PARD3B: variants seen among roughly 807,000 people sequenced by gnomAD.
PARD3B encodes partitioning defective 3 homolog B.
Under a neutral mutation model 130.2 loss-of-function variants are expected in PARD3B, and 103 were observed. The ratio of observed to expected loss-of-function variants is 0.79; its 90% CI spans 0.67 to 0.93. PARD3B has a LOEUF of 0.93. Among genes scored for constraint, PARD3B ranks in the 40% least tolerant of loss-of-function variants. The pLI is 0.00. For missense variants in PARD3B, 1,609 were observed against 1,499.2 expected (o/e 1.07, Z -1.21); for synonymous variants, 583 against 553.2 (o/e 1.05, Z -0.76).
intron 20 of PARD3B, among the ~76,000 whole-genome samples, chr2:205,441,027 C>T (rs2047697038): frequency 6.6e-6 from 1 of 152,094 alleles, no homozygotes; most frequent in Admixed American, 6.6e-5. Flanking sequence ...TGGCATGGCA[C>T]ATGGAGGTGG....
Position 205,125,619 on chromosome 2 carries a change from G to C in PARD3B, c.1316G>C (p.Arg439Thr). The C allele has an allele frequency of 6.2e-7, 1 of 1,614,042 alleles. No individual in the cohort carries two copies. The highest frequency in any genetic ancestry group is 1.1e-5 in the South Asian group (1 of 91,068). ...GCTTTTATTCATTAGGTAAATGGGA[G>C]AGATGTCACCGGACGAACCCAGGAA... ...SGDRILEVNG[R>T]DVTGRTQEEL... Residue 439 changes from arginine to threonine, a missense_variant, in exon 10 of 23, where the codon AGA becomes ACA. Physicochemically the swap from Arg to Thr is moderately conservative, Grantham distance 71 (BLOSUM62 -1). Coordinates refer to ENST00000406610, the MANE Select transcript of PARD3B (RefSeq NM_001302769.2). This position sits in a 1 kb window ranked among gnomAD's most constrained non-coding sequence, Gnocchi z 4.0.
chr2:204,799,183 G>A lies in PARD3B; in HGVS notation c.222+112901G>A, dbSNP rs189781265. Among the ~76,000 whole-genome samples, 167 of 152,058 alleles carry A rather than the reference G, an allele frequency of 1.1e-3. No individual in the cohort carries two copies. Among genetic ancestry groups the A allele is most frequent in the Admixed American group, 2.0e-3 (31 of 15,276 alleles). On this transcript the variant is annotated intron_variant, in intron 2 of 22. Coordinates refer to ENST00000406610, the MANE Select transcript of PARD3B (RefSeq NM_001302769.2). The surrounding 1 kb of genome is among the most constrained non-coding windows in gnomAD (Gnocchi z 4.1). Reference sequence around the variant, plus strand: ...CCAGACCTGGAAGCATTCACCACAAGCTGCCTGAAAAGCCCATGGGCCTCG... The same window carrying A: ...CCAGACCTGGAAGCATTCACCACAAACTGCCTGAAAAGCCCATGGGCCTCG...
At chr2:204,900,682 A>G (rs2046822878) in intron 2 of PARD3B, among the ~76,000 whole-genome samples, 1 of 152,008 alleles carries the variant, frequency 6.6e-6, no homozygotes, top group Admixed American at 6.6e-5. Flanking sequence ...ATGCTCGTGG[A>G]TGTTTGTCAT....
At chr2:205,477,633 G>T (rs2049072456) in intron 20 of PARD3B, among the ~76,000 whole-genome samples, 1 of 151,916 alleles carries the variant, frequency 6.6e-6, no homozygotes, top group Admixed American at 6.6e-5. Flanking sequence ...GCCTCTCTTT[G>T]TTGCTCTTGT....
intron 3 of PARD3B, among the ~76,000 whole-genome samples, chr2:204,983,685 C>A (rs1163699875): frequency 6.6e-6 from 1 of 152,108 alleles, no homozygotes; most frequent in Non-Finnish European, 1.5e-5. Context: ...AGATGAAATT[C>A]CCATGTGAAA....
At chr2:204,746,821 T>C (rs1559111358) in intron 2 of PARD3B, among the ~76,000 whole-genome samples, 1 of 152,146 alleles carries the variant, frequency 6.6e-6, no homozygotes. Flanking sequence ...CACTTTGTGA[T>C]GGGGTTGTTT....
intron 1 of PARD3B, among the ~76,000 whole-genome samples, chr2:204,583,857 A>C (rs1412878830): frequency 6.6e-6 from 1 of 152,236 alleles, no homozygotes; most frequent in Non-Finnish European, 1.5e-5. Context: ...CAAACTTATC[A>C]CATCATTTGA....
chr2:204,825,367 A>G (rs1387095957), intron 2 of PARD3B, among the ~76,000 whole-genome samples: 1 of 152,182 alleles, frequency 6.6e-6, no homozygotes, highest in Non-Finnish European at 1.5e-5. Context: ...ACACAGTGGG[A>G]GGCAAATGTT....
chr2:204,574,831 A>C (rs1212345724), intron 1 of PARD3B, among the ~76,000 whole-genome samples: 1 of 152,310 alleles, frequency 6.6e-6, no homozygotes, highest in South Asian at 2.1e-4. Context: ...CAGTAGCTAC[A>C]TGGGGCCCAA....
chr2:204,997,094 T>C (rs1575513907), intron 3 of PARD3B, among the ~76,000 whole-genome samples: 1 of 152,168 alleles, frequency 6.6e-6, no homozygotes, highest in East Asian at 1.9e-4. Context: ...TTCGGCCATC[T>C]TGGCTCCTCC....
chr2:205,184,481 G>A (rs953758847), intron 13 of PARD3B, among the ~76,000 whole-genome samples: 8 of 152,094 alleles, frequency 5.3e-5, no homozygotes, highest in Non-Finnish European at 8.8e-5. Context: ...GGTGGCTCAC[G>A]CCTGTAATCC....
intron 2 of PARD3B, among the ~76,000 whole-genome samples, chr2:204,930,707 T>G (rs1472942939): frequency 6.6e-6 from 1 of 152,074 alleles, no homozygotes; most frequent in Non-Finnish European, 1.5e-5. Context: ...ATTAGAGCCC[T>G]CAAACCATTT....
chr2:205,482,155 T>C (rs1406767979), intron 20 of PARD3B, among the ~76,000 whole-genome samples: 3 of 152,114 alleles, frequency 2.0e-5, no homozygotes, highest in African/African-American at 7.2e-5. Context: ...TGGGAGTAAA[T>C]AGTATCCCCA....
intron 2 of PARD3B, among the ~76,000 whole-genome samples, chr2:204,697,438 A>G (rs1053974327): frequency 6.6e-6 from 1 of 152,102 alleles, no homozygotes; most frequent in African/African-American, 2.4e-5. Context: ...GTTTCAAGAA[A>G]ATCTTTTTCA....
chr2:205,337,756 G>T (rs1156538764), intron 18 of PARD3B, among the ~76,000 whole-genome samples: 1 of 152,114 alleles, frequency 6.6e-6, no homozygotes, highest in Non-Finnish European at 1.5e-5. Context: ...TGTAAATGAG[G>T]TTAATAAGTG....
chr2:205,593,907 C>T (rs1391024607), intron 22 of PARD3B, among the ~76,000 whole-genome samples: 1 of 152,162 alleles, frequency 6.6e-6, no homozygotes, highest in East Asian at 1.9e-4. Flanking sequence ...TTCATTTTAT[C>T]CCAACATTCC....
At chr2:205,199,494 T>TACACACGC (rs145692256) in intron 15 of PARD3B, among the ~76,000 whole-genome samples, 1 of 151,970 alleles carries the variant, frequency 6.6e-6, no homozygotes, top group Non-Finnish European at 1.5e-5. Flanking sequence ...CACATATATA[T>TACACACGC]ACACACGCAC....
rs2125035567 is a variant in PARD3B at position 204,545,568 on chromosome 2, C to T, written c.-432C>T. Among the ~76,000 whole-genome samples, 1 of 152,178 alleles carries T rather than the reference C, an allele frequency of 6.6e-6. No individual in the cohort carries two copies. Among genetic ancestry groups the T allele is most frequent in the South Asian group, 2.1e-4 (1 of 4,832 alleles). On this transcript the variant is annotated 5_prime_UTR_variant, in exon 1 of 23. Transcript: ENST00000406610. ...CTGGCCCCGTGCGCCGCCGCCGCCGCCGCCCACTCCAGCCCCCGGCTTGGG... is the reference window on the plus strand; with the variant it reads ...CTGGCCCCGTGCGCCGCCGCCGCCGTCGCCCACTCCAGCCCCCGGCTTGGG...
chr2:204,750,517 T>G (rs553715466), intron 2 of PARD3B, among the ~76,000 whole-genome samples: 35 of 152,024 alleles, frequency 2.3e-4, no homozygotes, highest in Middle Eastern at 3.4e-3. Flanking sequence ...GCCCTGGAGG[T>G]GGAGGTTGTG....
Sources: allele counts gnomAD v4.1 joint callset (sites outside exome capture counted in the v4.1 genomes callset), GRCh38; gene constraint gnomAD v4.1.1; non-coding constraint Gnocchi (gnomAD v3.1); transcripts MANE v1.5; gene names NCBI Gene and HGNC (gene_info 2026-07-23, HGNC 2026-07-21).